The following CIROP variants were observed in gnomAD, a reference collection of about 807,000 sequenced individuals.
CIROP encodes the protein leishmanolysin homolog.
chr14:23,102,157 G>A, the CIROP span: 2 of 702,978 alleles, frequency 2.8e-6, no homozygotes, highest in East Asian at 5.4e-5. Context: ...GTCTTTGAAG[G>A]CAGCGAGGGT....
chr14:23,101,664 C>T, the CIROP span: 1 of 702,932 alleles, frequency 1.4e-6, no homozygotes, highest in African/African-American at 1.7e-5. Flanking sequence ...CTCTTATCTA[C>T]TCACCCCATT....
chr14:23,102,175 T>A, the CIROP span: 1 of 702,860 alleles, frequency 1.4e-6, no homozygotes, highest in Non-Finnish European at 2.6e-6. Context: ...GGTGATTGGG[T>A]CGAGTCGAGT....
chr14:23,103,869 A>T, the CIROP span: 1 of 685,260 alleles, frequency 1.5e-6, no homozygotes, highest in Admixed American at 2.1e-5. Context: ...ACAGTAGGAA[A>T]TTGGGTATGA....
chr14:23,103,643 A>G, the CIROP span: 1 of 696,598 alleles, frequency 1.4e-6, no homozygotes, highest in Non-Finnish European at 2.6e-6. Context: ...TGAGAGAGAC[A>G]GCAGGGAAAG....
At chr14:23,104,517 C>T in the CIROP span, 2 of 702,886 alleles carry the variant, frequency 2.8e-6, no homozygotes, top group East Asian at 2.7e-5. Context: ...CTTGGAATTC[C>T]AGTTCTCTTT....
At chr14:23,102,255 C>A in the CIROP span, 1 of 702,924 alleles carries the variant, frequency 1.4e-6, no homozygotes, top group South Asian at 1.5e-5. Flanking sequence ...AGTGCGAGGA[C>A]AGAAGGCCCT....
chr14:23,099,768 C>T, the CIROP span: 8 of 248,450 alleles, frequency 3.2e-5, no homozygotes, highest in Admixed American at 1.1e-4. Flanking sequence ...CATGAAGCCC[C>T]GCCTCATCCA....
the CIROP span, chr14:23,101,743 G>T: frequency 1.4e-6 from 1 of 702,930 alleles, no homozygotes; most frequent in South Asian, 1.5e-5. Context: ...TTGTCCAGGT[G>T]CAGGTAGTGG....
the CIROP span, chr14:23,104,498 C>A: frequency 1.4e-6 from 1 of 703,034 alleles, no homozygotes; most frequent in Non-Finnish European, 2.6e-6. Flanking sequence ...AAGTCAGTTT[C>A]TCCCATATCT....
At chr14:23,100,355 C>T in the CIROP span, 6 of 410,728 alleles carry the variant, frequency 1.5e-5, no homozygotes, top group East Asian at 3.6e-5. Flanking sequence ...CAGGTAGTGA[C>T]GGGACTGGAT....
the CIROP span, chr14:23,103,147 T>C: frequency 2.2e-6 from 1 of 450,398 alleles, no homozygotes. Flanking sequence ...CAGGGGACTC[T>C]GCAGAACTCT....
the CIROP span, chr14:23,100,484 G>C: frequency 2.4e-6 from 1 of 413,496 alleles, no homozygotes; most frequent in Non-Finnish European, 4.4e-6. Flanking sequence ...TGAAAGGAAA[G>C]TACTTGGAAT....
chr14:23,103,545 C>T, the CIROP span: 1 of 601,862 alleles, frequency 1.7e-6, no homozygotes, highest in South Asian at 2.0e-5. Context: ...CAGAGTGAGA[C>T]TGTCTGAAAA....
chr14:23,099,498 A>G, the CIROP span: 3 of 413,032 alleles, frequency 7.3e-6, no homozygotes, highest in Non-Finnish European at 1.3e-5. Context: ...ACCTAGGAAC[A>G]TAGAAGGTAA....
At chr14:23,099,386 C>A in the CIROP span, 1 of 413,360 alleles carries the variant, frequency 2.4e-6, no homozygotes, top group Non-Finnish European at 4.4e-6. Flanking sequence ...TTCTGGTAGG[C>A]TGTGGTTCCC....
chr14:23,104,681 A>G, the CIROP span: 3 of 702,800 alleles, frequency 4.3e-6, no homozygotes, highest in Non-Finnish European at 7.8e-6. Context: ...CTTCTCCCTC[A>G]GGATCCCAAG....
At chr14:23,101,840 A>G in the CIROP span, 1 of 699,730 alleles carries the variant, frequency 1.4e-6, no homozygotes, top group Non-Finnish European at 2.6e-6. Context: ...CAGCACACAC[A>G]CCTGCCAGTA....
the CIROP span, chr14:23,104,369 A>C: frequency 1.4e-6 from 1 of 702,540 alleles, no homozygotes; most frequent in African/African-American, 1.7e-5. Flanking sequence ...ATACATTGTC[A>C]ACGACGTGAA....
the CIROP span, chr14:23,102,417 G>A: frequency 2.8e-6 from 2 of 703,004 alleles, no homozygotes; most frequent in Admixed American, 4.0e-5. Flanking sequence ...GCTAACAGCT[G>A]GGGTGGTGAG....
Sources: gnomAD v4.1 joint callset for allele counts on GRCh38, gnomAD v4.1.1 for gene constraint, MANE v1.5 for transcripts, NCBI Gene and HGNC (gene_info 2026-07-23, HGNC 2026-07-21) for gene names.